Variants in CSMD1 observed in about 807,000 individuals in gnomAD.
CSMD1 encodes CUB and sushi domain-containing protein 1.
A neutral mutation model predicts 417.5 loss-of-function variants in CSMD1; 213 were observed. The ratio of observed to expected loss-of-function variants is 0.51; its 90% CI spans 0.46 to 0.57. The LOEUF is 0.57. Among genes scored for constraint, CSMD1 ranks in the 20% least tolerant of loss-of-function variants. The pLI is 0.00. For missense variants in CSMD1, 6,923 were observed against 4,529.7 expected (o/e 1.53, Z -15.17); for synonymous variants, 2,862 against 1,736.8 (o/e 1.65, Z -16.11).
chr8:3,712,812 C>A (rs761884064), intron 6 of CSMD1, among the ~76,000 whole-genome samples: 1 of 152,118 alleles, frequency 6.6e-6, no homozygotes, highest in Non-Finnish European at 1.5e-5. Context: ...TCAGATTCAA[C>A]AATTTCAAAT....
At chr8:4,366,470 T>C (rs2128910236) in intron 3 of CSMD1, among the ~76,000 whole-genome samples, 1 of 152,344 alleles carries the variant, frequency 6.6e-6, no homozygotes, top group East Asian at 1.9e-4. Flanking sequence ...GTTTAAATAG[T>C]AGTCCTGTTT....
At chr8:3,320,583 C>G (rs1395234245) in intron 23 of CSMD1, among the ~76,000 whole-genome samples, 1 of 152,198 alleles carries the variant, frequency 6.6e-6, no homozygotes, top group Non-Finnish European at 1.5e-5. Context: ...AAGAATTCAA[C>G]ACCTTGAGCA....
chr8:4,450,863 G>C (rs115364555), intron 2 of CSMD1, among the ~76,000 whole-genome samples: 233 of 152,204 alleles, frequency 1.5e-3, no homozygotes, highest in African/African-American at 5.5e-3. Flanking sequence ...AGGAACAATT[G>C]TTAATATTCT....
chr8:4,069,854 T>C (rs1366405824), intron 3 of CSMD1, among the ~76,000 whole-genome samples: 1 of 152,126 alleles, frequency 6.6e-6, no homozygotes, highest in Non-Finnish European at 1.5e-5. Context: ...TACAAAAGTC[T>C]TCTATCCGGT....
intron 1 of CSMD1, among the ~76,000 whole-genome samples, chr8:4,706,852 A>T (rs750438416): frequency 2.6e-5 from 4 of 152,294 alleles, no homozygotes; most frequent in East Asian, 3.9e-4. Flanking sequence ...AATGGGGGAA[A>T]CTTCTTACAA....
At chr8:4,146,349 A>T (rs1804121227) in intron 3 of CSMD1, among the ~76,000 whole-genome samples, 4 of 150,724 alleles carry the variant, frequency 2.7e-5, no homozygotes, top group Admixed American at 2.6e-4. Context: ...TCATTCTGAT[A>T]AGCTTCAGCC....
chr8:4,094,950 G>T (rs1430529475), intron 3 of CSMD1, among the ~76,000 whole-genome samples: 4 of 152,176 alleles, frequency 2.6e-5, no homozygotes, highest in Non-Finnish European at 5.9e-5. Flanking sequence ...CTGGGAATGG[G>T]GAGATAGTGA....
chr8:4,368,993 G>C (rs1453825468), intron 3 of CSMD1, among the ~76,000 whole-genome samples: 3 of 151,934 alleles, frequency 2.0e-5, no homozygotes, highest in African/African-American at 4.8e-5. Flanking sequence ...GCTATGTTTG[G>C]GGATGGTTTG....
At chr8:4,265,427 T>G (rs1191098400) in intron 3 of CSMD1, among the ~76,000 whole-genome samples, 1 of 46,764 alleles carries the variant, frequency 2.1e-5, no homozygotes, top group African/African-American at 3.7e-5. Context: ...TCAAAGCCAG[T>G]TGAAAAAGTG....
At chr8:3,657,573 T>C (rs1050859787) in intron 7 of CSMD1, among the ~76,000 whole-genome samples, 7 of 152,264 alleles carry the variant, frequency 4.6e-5, no homozygotes, top group African/African-American at 1.4e-4. Context: ...GAAACCATCA[T>C]TCTCAGCAAA....
chr8:4,383,925 C>A (rs990177410), intron 3 of CSMD1, among the ~76,000 whole-genome samples: 2 of 151,800 alleles, frequency 1.3e-5, no homozygotes, highest in Non-Finnish European at 2.9e-5. Flanking sequence ...AATATGATAC[C>A]GTGAAGAAAA....
chr8:3,380,530 A>C (rs960782166), intron 18 of CSMD1, among the ~76,000 whole-genome samples: 2 of 152,238 alleles, frequency 1.3e-5, no homozygotes, highest in African/African-American at 4.8e-5. Context: ...ACAATGTGGC[A>C]CATATACATC....
At chr8:3,847,567 T>C (rs1305176139) in intron 5 of CSMD1, among the ~76,000 whole-genome samples, 1 of 152,130 alleles carries the variant, frequency 6.6e-6, no homozygotes, top group East Asian at 1.9e-4. Flanking sequence ...TGACTGCTGC[T>C]TCTTGAGGCC....
chr8:4,349,068 T>C (rs1346778259), intron 3 of CSMD1, among the ~76,000 whole-genome samples: 8 of 152,232 alleles, frequency 5.3e-5, no homozygotes, highest in Non-Finnish European at 1.2e-4. Flanking sequence ...ATTATTAACA[T>C]GACTCATGAA....
At chr8:4,847,045 G>T (rs942700170) in intron 1 of CSMD1, among the ~76,000 whole-genome samples, 1 of 151,930 alleles carries the variant, frequency 6.6e-6, no homozygotes, top group African/African-American at 2.4e-5. Context: ...AAGCATTCTT[G>T]TTCTGATAAT....
In CSMD1 at chr8:3,396,201, G is replaced by C. The variant is rs374882481; in HGVS notation, c.2586C>G (p.His862Gln). The change falls in exon 17 of 70, where the codon CAC (histidine) becomes CAG (glutamine). Residue 862 changes from histidine (H) to glutamine (Q), a missense_variant. His to Gln is a conservative substitution (Grantham distance 24). Coordinates refer to ENST00000635120, the MANE Select transcript of CSMD1 (RefSeq NM_033225.6). ...NSRSSIGFLI[H>Q]YESVTLESDS... Reference sequence around the variant, plus strand: ...AGGGAAGGTGCAACTCACTCTCATAGTGGATGAGGAAGCCGATGCTGGAGC... The same window carrying C: ...AGGGAAGGTGCAACTCACTCTCATACTGGATGAGGAAGCCGATGCTGGAGC... 3 of 1,559,864 alleles carry C rather than the reference G, an allele frequency of 1.9e-6. No individual in the cohort carries two copies. Among genetic ancestry groups the C allele is most frequent in the African/African-American group, 1.4e-5 (1 of 73,622 alleles).
intron 1 of CSMD1, among the ~76,000 whole-genome samples, chr8:4,886,171 A>T (rs1298856278): frequency 6.6e-6 from 1 of 151,870 alleles, no homozygotes; most frequent in East Asian, 1.9e-4. Context: ...TTGTATTTTT[A>T]GTAAAGATCA....
At chr8:4,636,537 T>C (rs1477389886) in intron 2 of CSMD1, among the ~76,000 whole-genome samples, 1 of 152,204 alleles carries the variant, frequency 6.6e-6, no homozygotes, top group African/African-American at 2.4e-5. Flanking sequence ...TTGTTCTGAT[T>C]AGCTGAATTG....
intron 1 of CSMD1, among the ~76,000 whole-genome samples, chr8:4,886,530 G>T (rs116434952): frequency 6.6e-6 from 1 of 151,812 alleles, no homozygotes; most frequent in Non-Finnish European, 1.5e-5. Context: ...GTTGGAAAGT[G>T]TTTCCTTCTC....
Sources: gnomAD v4.1 joint callset for allele counts (sites outside exome capture counted in the v4.1 genomes callset) on GRCh38, gnomAD v4.1.1 for gene constraint, MANE v1.5 for transcripts, NCBI Gene and HGNC (gene_info 2026-07-23, HGNC 2026-07-21) for gene names.